The following SUFU variants were observed in gnomAD, a reference collection of about 807,000 sequenced individuals.
SUFU encodes the protein suppressor of fused homolog.
In SUFU, 7 loss-of-function variants were observed where a neutral mutation model predicts 58.9. The ratio of observed to expected loss-of-function variants is 0.12; its 90% CI spans 0.07 to 0.22. SUFU has a LOEUF of 0.22. SUFU is among the 10% of genes least tolerant of loss of function. The probability of loss-of-function intolerance (pLI) is 1.00; values close to 1 mark genes in which losing one functional copy is unlikely to be tolerated. For missense variants in SUFU, 451 were observed against 641.3 expected, an observed-to-expected ratio of 0.70 and a Z score of 3.20; for synonymous variants, 232 against 254.8, an observed-to-expected ratio of 0.91 and a Z score of 0.85.
chr10:102,509,943 A>C (rs1345274628), intron 2 of SUFU, among the ~76,000 whole-genome samples: 1 of 151,882 alleles, frequency 6.6e-6, no homozygotes, highest in Non-Finnish European at 1.5e-5. Flanking sequence ...GGCTCAGGTG[A>C]TCCTCCAACC....
At position 102,567,639 on chromosome 10, in the gene SUFU, G is replaced by T. The variant is rs146536143; in HGVS notation, c.454+17533G>T. ...GATGACAGTTGGAGCTTGAGCCAGG[G>T]GAGGAAGAGAAAAGGGAGGGAATTC... On this transcript the variant is annotated intron_variant, in intron 3 of 11. Transcript: ENST00000369902. Among the ~76,000 whole-genome samples, 80 of 152,306 alleles carry T rather than the reference G, an allele frequency of 5.3e-4. 1 individual carries two copies. The East Asian group carries it at 0.012, about 23-fold the overall frequency.
rs1194388064 is a variant in SUFU at position 102,628,039 on chromosome 10, G to GA, written c.1365+796_1365+797insA. Among the ~76,000 whole-genome samples the GA allele has an allele frequency of 6.6e-6, 1 of 152,140 alleles. No homozygotes were observed. The highest frequency in any genetic ancestry group is 1.5e-5 in the Non-Finnish European group (1 of 68,002). ...GCCGGGCCTCTGGAGAGCTCTCCTGGGCCCTGCCCTGCCTGTGGCAGAGGC... is the reference window on the plus strand; with the variant it reads ...GCCGGGCCTCTGGAGAGCTCTCCTGGAGCCCTGCCCTGCCTGTGGCAGAGGC... On this transcript the variant is annotated intron_variant, in intron 11 of 11. Coordinates refer to ENST00000369902, the MANE Select transcript of SUFU (RefSeq NM_016169.4). The surrounding 1 kb of genome is among the most constrained non-coding windows in gnomAD (Gnocchi z 4.5).
chr10:102,529,169 A>T (rs933976588), intron 2 of SUFU, among the ~76,000 whole-genome samples: 2 of 152,160 alleles, frequency 1.3e-5, no homozygotes, highest in Admixed American at 6.5e-5. Context: ...CCATTTTCAA[A>T]TGTCTAATAA....
In SUFU at chr10:102,517,623, T is replaced by C. The variant is rs148958622; in HGVS notation, c.317+8320T>C. 2.0e-3 allele frequency among the ~76,000 whole-genome samples: 307 copies of C among 152,322 alleles called. 2 individuals are homozygous for C. Among genetic ancestry groups the C allele is most frequent in the African/African-American group, 7.0e-3 (292 of 41,586 alleles). ...TGATTCAGGGGTCCCAACTCTGGCC[T>C]TTGGCCCTTGACTCCTGAATTCATT... On this transcript the variant is annotated intron_variant, in intron 2 of 11. Transcript: ENST00000369902.
At chr10:102,560,469 G>A (rs2063025332) in intron 3 of SUFU, among the ~76,000 whole-genome samples, 1 of 152,092 alleles carries the variant, frequency 6.6e-6, no homozygotes, top group South Asian at 2.1e-4. Flanking sequence ...CAGCTACTTG[G>A]GAGGCTGAGG....
At chr10:102,557,019 C>T (rs2062987828) in intron 3 of SUFU, among the ~76,000 whole-genome samples, 1 of 151,654 alleles carries the variant, frequency 6.6e-6, no homozygotes, top group Non-Finnish European at 1.5e-5. Flanking sequence ...TCACTTTGAA[C>T]CTGGGAGGCG....
chr10:102,554,790 T>TG lies in SUFU; in HGVS notation c.454+4685dup, dbSNP rs1160514260. Among the ~76,000 whole-genome samples the TG allele has an allele frequency of 2.6e-5, 4 of 152,204 alleles. 1 individual carries two copies. Among genetic ancestry groups the TG allele is most frequent in the Non-Finnish European group, 5.9e-5 (4 of 68,034 alleles). ...AGATAGCCTGCATTCATATTGGCTC[T>TG]GCCAGTTACTGCCTTCTTGGGCAAC... is the stretch of plus-strand genomic sequence containing the variant. On this transcript the variant is annotated intron_variant, in intron 3 of 11. Transcript: ENST00000369902.
intron 8 of SUFU, among the ~76,000 whole-genome samples, chr10:102,611,811 G>A (rs2063626697): frequency 6.6e-6 from 1 of 152,136 alleles, no homozygotes. Context: ...CATAAAACTG[G>A]AACCCAGAAC....
chr10:102,558,545 CT>C (rs1419537569), intron 3 of SUFU, among the ~76,000 whole-genome samples: 1 of 152,204 alleles, frequency 6.6e-6, no homozygotes, highest in African/African-American at 2.4e-5. Flanking sequence ...TACATCAGTT[CT>C]GGGGTAGGAC....
At chr10:102,607,331 G>C (rs2063571626) in intron 8 of SUFU, among the ~76,000 whole-genome samples, 1 of 152,162 alleles carries the variant, frequency 6.6e-6, no homozygotes, top group South Asian at 2.1e-4. Flanking sequence ...TTACGGGCAT[G>C]AGCCGCCACG....
intron 8 of SUFU, among the ~76,000 whole-genome samples, chr10:102,612,168 C>CG (rs1564704946): frequency 2.8e-4 from 28 of 98,328 alleles, no homozygotes; most frequent in African/African-American, 1.1e-3. Context: ...AAACTGGGTT[C>CG]TTGTGTGTGT....
At chr10:102,578,060 T>A (rs1370014942) in intron 3 of SUFU, among the ~76,000 whole-genome samples, 2 of 146,452 alleles carry the variant, frequency 1.4e-5, no homozygotes, top group Admixed American at 6.8e-5. Context: ...GTAATCCCAG[T>A]ACTTTGGGAG....
chr10:102,555,053 G>C (rs549438318), intron 3 of SUFU, among the ~76,000 whole-genome samples: 155 of 152,200 alleles, frequency 1.0e-3, no homozygotes, highest in African/African-American at 3.6e-3. Context: ...CGAATCACAA[G>C]GTCAGGAGAT....
intron 8 of SUFU, among the ~76,000 whole-genome samples, chr10:102,608,762 T>C (rs1011381338): frequency 3.3e-5 from 5 of 152,178 alleles, no homozygotes; most frequent in Non-Finnish European, 5.9e-5. Flanking sequence ...CTGGCTACAG[T>C]TGGAAAATGC....
intron 2 of SUFU, among the ~76,000 whole-genome samples, chr10:102,511,010 A>G (rs1285120461): frequency 1.3e-5 from 2 of 151,696 alleles, no homozygotes; most frequent in African/African-American, 4.8e-5. Context: ...AATCCCAGCT[A>G]CTAGGGAGGC....
intron 10 of SUFU, 44 bp from the exon 11 acceptor site, chr10:102,627,131 T>C: frequency 6.2e-7 from 1 of 1,605,238 alleles, no homozygotes; most frequent in Non-Finnish European, 8.5e-7. Context: ...AAAAAGATCA[T>C]ACATTTAAAA....
intron 8 of SUFU, among the ~76,000 whole-genome samples, chr10:102,604,995 A>G (rs942940442): frequency 2.0e-5 from 3 of 146,368 alleles, no homozygotes; most frequent in African/African-American, 7.7e-5. Flanking sequence ...GCAGTGGCAC[A>G]ATCTCGGCTT....
chr10:102,506,959 C>G (rs867368508), intron 1 of SUFU, among the ~76,000 whole-genome samples: 17 of 152,232 alleles, frequency 1.1e-4, no homozygotes, highest in African/African-American at 3.9e-4. Context: ...TACTCATGGC[C>G]CACTTCAGTC....
chr10:102,587,489 C>T (rs1244969554), intron 3 of SUFU, among the ~76,000 whole-genome samples: 3 of 152,028 alleles, frequency 2.0e-5, no homozygotes, highest in Admixed American at 2.0e-4. Flanking sequence ...GTTTACAGCA[C>T]AAACAGTTTG....
Sources: gnomAD v4.1 joint callset for allele counts (sites outside exome capture counted in the v4.1 genomes callset) on GRCh38, gnomAD v4.1.1 for gene constraint, Gnocchi (gnomAD v3.1) non-coding constraint, MANE v1.5 for transcripts, NCBI Gene and HGNC (gene_info 2026-07-23, HGNC 2026-07-21) for gene names.